The following MTREX variants were observed in gnomAD, a reference collection of about 807,000 sequenced individuals.
MTREX encodes exosome RNA helicase MTR4.
Under a neutral mutation model 135.4 loss-of-function variants are expected in MTREX, and 76 were observed. The ratio of observed to expected loss-of-function variants is 0.56; its 90% CI spans 0.47 to 0.68. MTREX has a LOEUF of 0.68. Ranked by LOEUF, MTREX falls within the 30% of genes least tolerant of loss-of-function variation. MTREX has a pLI of 0.00. For missense variants in MTREX, 920 were observed against 1,262.1 expected (o/e 0.73, Z 4.11); for synonymous variants, 404 against 401.6 (o/e 1.01, Z -0.07).
chr5:55,316,541 T>G (rs1417879146), intron 1 of MTREX, among the ~76,000 whole-genome samples: 2 of 152,160 alleles, frequency 1.3e-5, no homozygotes, highest in Non-Finnish European at 2.9e-5. Flanking sequence ...AACCACATGA[T>G]TATTTCAATA....
At chr5:55,372,978 C>G (rs940721294) in intron 16 of MTREX, among the ~76,000 whole-genome samples, 6 of 146,524 alleles carry the variant, frequency 4.1e-5, no homozygotes, top group Non-Finnish European at 7.5e-5. Flanking sequence ...TTTTTATACC[C>G]TTTGTTATAT....
chr5:55,394,061 G>A (rs1457301012), intron 19 of MTREX, among the ~76,000 whole-genome samples: 4 of 152,104 alleles, frequency 2.6e-5, no homozygotes, highest in Non-Finnish European at 5.9e-5. Context: ...GACAGTTTTT[G>A]TCTTCTTTCT....
At chr5:55,424,116 ATTT>A (rs938607992) in intron 26 of MTREX, 2 of 151,744 alleles carry the variant, frequency 1.3e-5, no homozygotes, top group Non-Finnish European at 2.9e-5. Flanking sequence ...CTTCCCTATA[ATTT>A]TTTTTATTTT....
chr5:55,344,362 G>A (rs1431180185), intron 8 of MTREX, among the ~76,000 whole-genome samples, 160 bp from the exon 9 acceptor site: 4 of 152,028 alleles, frequency 2.6e-5, no homozygotes, highest in East Asian at 1.9e-4. Context: ...ATTTTTCTAC[G>A]TTTTTCTCTT....
intron 21 of MTREX, among the ~76,000 whole-genome samples, chr5:55,401,538 A>G (rs1417236703): frequency 3.3e-5 from 5 of 152,142 alleles, no homozygotes; most frequent in Non-Finnish European, 1.5e-5. Flanking sequence ...TGGTAACTCT[A>G]TATTTACCTT....
Position 55,425,311 on chromosome 5 carries a change from G to A in MTREX, c.*539G>A, listed in dbSNP as rs771117056. On this transcript the variant is annotated 3_prime_UTR_variant, in exon 27 of 27. Transcript: ENST00000230640. ...TTTCTTTAAAAGAAGTTCTTTCTTT[G>A]AAGAAATCCGATACATATACAGCCT... is the stretch of plus-strand genomic sequence containing the variant. 4 of 1,605,674 alleles carry A rather than the reference G, an allele frequency of 2.5e-6. No homozygotes were observed. Among genetic ancestry groups the A allele is most frequent in the Non-Finnish European group, 2.6e-6 (3 of 1,172,922 alleles).
intron 25 of MTREX, among the ~76,000 whole-genome samples, chr5:55,420,190 T>G (rs1039989028): frequency 6.8e-6 from 1 of 147,416 alleles, no homozygotes; most frequent in Non-Finnish European, 1.5e-5. Flanking sequence ...AAGATACATG[T>G]GTGATTCTAA....
intron 18 of MTREX, among the ~76,000 whole-genome samples, chr5:55,379,564 A>C (rs1290661402): frequency 2.8e-5 from 4 of 141,600 alleles, no homozygotes; most frequent in Admixed American, 7.5e-5. Context: ...CCACTCCCCA[A>C]ATCTCCCTGA....
intron 22 of MTREX, among the ~76,000 whole-genome samples, chr5:55,410,253 A>G (rs1750865538): frequency 6.6e-6 from 1 of 152,176 alleles, no homozygotes; most frequent in African/African-American, 2.4e-5. Context: ...TTCCTAGCAT[A>G]CTAAAGGTTA....
chr5:55,325,342 T>TG (rs1424908898), intron 3 of MTREX, among the ~76,000 whole-genome samples: 2 of 149,684 alleles, frequency 1.3e-5, no homozygotes, highest in African/African-American at 4.9e-5. Context: ...TTTTTTTGTT[T>TG]TTTTTTTTTT....
chr5:55,338,686 A>G (rs1202206253), intron 5 of MTREX, among the ~76,000 whole-genome samples: 2 of 146,464 alleles, frequency 1.4e-5, no homozygotes, highest in Non-Finnish European at 3.0e-5. Context: ...ATTTCTCTCA[A>G]TTTATCTTCA....
intron 23 of MTREX, 58 bp from the exon 24 acceptor site, chr5:55,414,124 G>A: frequency 7.7e-7 from 1 of 1,293,006 alleles, no homozygotes; most frequent in South Asian, 1.5e-5. Context: ...CGGGTAGTGT[G>A]AAAAACCAGT....
At chr5:55,358,118 C>G (rs1749950762) in intron 14 of MTREX, among the ~76,000 whole-genome samples, 2 of 152,134 alleles carry the variant, frequency 1.3e-5, no homozygotes, top group African/African-American at 4.8e-5. Context: ...GGGCAGATCA[C>G]AAGGTCGGGA....
chr5:55,334,309 T>C (rs908292649), intron 5 of MTREX, among the ~76,000 whole-genome samples: 3 of 152,084 alleles, frequency 2.0e-5, no homozygotes, highest in Admixed American at 2.0e-4. Flanking sequence ...TTTAAAATGG[T>C]TAATTTTATG....
chr5:55,321,972 A>G (rs1266600320), intron 1 of MTREX, among the ~76,000 whole-genome samples: 3 of 152,180 alleles, frequency 2.0e-5, no homozygotes, highest in Non-Finnish European at 4.4e-5. Flanking sequence ...TTTCTTCCAA[A>G]TAGTAGTATC....
chr5:55,315,987 A>G (rs1749192803), intron 1 of MTREX, among the ~76,000 whole-genome samples: 1 of 152,164 alleles, frequency 6.6e-6, no homozygotes, highest in Non-Finnish European at 1.5e-5. Context: ...AAAAACAACC[A>G]TCAGAAACTA....
At chr5:55,317,487 C>T (rs963700163) in intron 1 of MTREX, among the ~76,000 whole-genome samples, 2 of 152,152 alleles carry the variant, frequency 1.3e-5, no homozygotes, top group Admixed American at 6.5e-5. Context: ...ACATCTACAA[C>T]CATCTGATCT....
intron 19 of MTREX, among the ~76,000 whole-genome samples, chr5:55,395,598 A>G (rs1750634250): frequency 6.6e-6 from 1 of 152,140 alleles, no homozygotes; most frequent in African/African-American, 2.4e-5. Context: ...AGAGAGTAAA[A>G]TAGTAAATAA....
Position 55,353,274 on chromosome 5 carries a change from G to C in MTREX, c.1533+5G>C. The C allele has an allele frequency of 4.5e-6, 7 of 1,570,978 alleles. No individual in the cohort carries two copies. The highest frequency in any genetic ancestry group is 6.1e-6 in the Non-Finnish European group (7 of 1,144,544). ...GATGGGAAGGATTTCCGATGGGTAA[G>C]TAAAGCAATTCATATATCAAAATAA... On this transcript the variant is annotated splice_donor_5th_base_variant and intron_variant, in intron 14 of 26. Coordinates refer to ENST00000230640, the MANE Select transcript of MTREX (RefSeq NM_015360.5).
Sources: gnomAD v4.1 joint callset for allele counts (sites outside exome capture counted in the v4.1 genomes callset) on GRCh38, gnomAD v4.1.1 for gene constraint, MANE v1.5 for transcripts, NCBI Gene and HGNC (gene_info 2026-07-23, HGNC 2026-07-21) for gene names.